The following CHLSN variants were observed in gnomAD, a reference collection of about 807,000 sequenced individuals.
CHLSN encodes cholesin, also known as protein cholesin.
At chr7:1,075,842 C>G in the CHLSN span, 1 of 151,868 alleles carries the variant, frequency 6.6e-6, no homozygotes, top group African/African-American at 2.4e-5. Context: ...CCTCGTGATC[C>G]GCCCACCTCA....
At chr7:979,822 G>A in the CHLSN span, among the ~76,000 whole-genome samples, 1 of 152,076 alleles carries the variant, frequency 6.6e-6, no homozygotes, top group Non-Finnish European at 1.5e-5. Flanking sequence ...TCCAGGGGGC[G>A]CGCCCAGTCA....
the CHLSN span, among the ~76,000 whole-genome samples, chr7:1,105,545 C>A: frequency 2.0e-5 from 3 of 152,236 alleles, no homozygotes; most frequent in Non-Finnish European, 4.4e-5. Context: ...AACCAGGAGG[C>A]CAGCCATGCT....
chr7:1,099,973 A>C, the CHLSN span, among the ~76,000 whole-genome samples: 1 of 152,104 alleles, frequency 6.6e-6, no homozygotes, highest in Non-Finnish European at 1.5e-5. Context: ...TTCCAATCTG[A>C]GCTATGGAAC....
At chr7:1,058,221 G>C in the CHLSN span, 1 of 756,056 alleles carries the variant, frequency 1.3e-6, no homozygotes, top group Non-Finnish European at 2.4e-6. Flanking sequence ...CAGGCTGCTG[G>C]TGGCCACCGT....
At chr7:1,020,159 G>A in the CHLSN span, among the ~76,000 whole-genome samples, 3,727 of 152,228 alleles carry the variant, frequency 0.024, 115 homozygotes, top group African/African-American at 0.073. Context: ...GGCAGGCCCC[G>A]CGTGCGATGC....
At chr7:987,432 C>T in the CHLSN span, 14 of 1,591,212 alleles carry the variant, frequency 8.8e-6, no homozygotes, top group Middle Eastern at 1.7e-4. Flanking sequence ...CCTACACAAG[C>T]GCCGTGCTCC....
At chr7:1,028,528 T>A in the CHLSN span, 5 of 984,880 alleles carry the variant, frequency 5.1e-6, no homozygotes, top group Non-Finnish European at 6.0e-6. Context: ...CAGCCCCCAC[T>A]GCTCCTCCGA....
At chr7:1,028,258 C>T in the CHLSN span, 22 of 1,095,676 alleles carry the variant, frequency 2.0e-5, no homozygotes, top group Non-Finnish European at 2.5e-5. Flanking sequence ...GCGCACTGAC[C>T]TCTGACCCGG....
At chr7:983,712 G>C in the CHLSN span, among the ~76,000 whole-genome samples, 5 of 152,240 alleles carry the variant, frequency 3.3e-5, no homozygotes, top group African/African-American at 1.2e-4. Flanking sequence ...GCAGAGGGGA[G>C]GAGGGCCTGG....
At chr7:1,068,371 C>T in the CHLSN span, among the ~76,000 whole-genome samples, 21 of 152,138 alleles carry the variant, frequency 1.4e-4, no homozygotes, top group African/African-American at 3.6e-4. Flanking sequence ...CACTGCCACC[C>T]GGCAGGGAGC....
At chr7:1,038,231 A>G in the CHLSN span, among the ~76,000 whole-genome samples, 1 of 84,056 alleles carries the variant, frequency 1.2e-5, no homozygotes, top group South Asian at 5.0e-4. Flanking sequence ...CCGACCGGCC[A>G]GCCGTGCCAT....
the CHLSN span, among the ~76,000 whole-genome samples, chr7:1,106,356 C>T: frequency 6.6e-6 from 1 of 152,194 alleles, no homozygotes. Context: ...AGAGACACGT[C>T]CTTCCAGCGC....
chr7:1,134,166 G>A, the CHLSN span, among the ~76,000 whole-genome samples: 1 of 151,832 alleles, frequency 6.6e-6, no homozygotes, highest in Non-Finnish European at 1.5e-5. Flanking sequence ...CCAGCTACTT[G>A]GGAGGTTGAG....
At chr7:1,010,000 G>A in the CHLSN span, 2 of 1,597,036 alleles carry the variant, frequency 1.3e-6, no homozygotes, top group Middle Eastern at 1.7e-4. Context: ...TGGCAGGCGG[G>A]TGCTGGGCCA....
the CHLSN span, among the ~76,000 whole-genome samples, chr7:1,035,596 G>A: frequency 0.02 from 2,998 of 152,272 alleles, 102 homozygotes; most frequent in African/African-American, 0.068. Flanking sequence ...GTGAGGCACC[G>A]CACACCTGTC....
the CHLSN span, among the ~76,000 whole-genome samples, chr7:1,088,977 C>T: frequency 1.3e-5 from 2 of 152,002 alleles, no homozygotes; most frequent in South Asian, 2.1e-4. The surrounding 1 kb of genome is among the most constrained non-coding windows in gnomAD (Gnocchi z 4.5). Flanking sequence ...ATGAATGACT[C>T]GTTTTTAAAC....
the CHLSN span, among the ~76,000 whole-genome samples, chr7:984,083 C>T: frequency 6.6e-6 from 1 of 152,206 alleles, no homozygotes; most frequent in Admixed American, 6.5e-5. Context: ...AGACTCTGGC[C>T]TTTCAGAATG....
At chr7:1,075,535 T>A in the CHLSN span, among the ~76,000 whole-genome samples, 1 of 146,742 alleles carries the variant, frequency 6.8e-6, no homozygotes, top group Admixed American at 6.8e-5. Context: ...AAAAAAAAAT[T>A]AAAAAAAAAG....
chr7:1,057,781 G>A, the CHLSN span: 5 of 775,948 alleles, frequency 6.4e-6, no homozygotes, highest in South Asian at 5.4e-5. Context: ...GGCCCCCCGA[G>A]CTCCCGGTGG....
Sources: allele counts gnomAD v4.1 joint callset (sites outside exome capture counted in the v4.1 genomes callset), GRCh38; gene constraint gnomAD v4.1.1; non-coding constraint Gnocchi (gnomAD v3.1); transcripts MANE v1.5; gene names NCBI Gene and HGNC (gene_info 2026-07-23, HGNC 2026-07-21).